The following ADAMTS9 variants were observed in gnomAD, a reference collection of about 807,000 sequenced individuals.
ADAMTS9 encodes ADAM metallopeptidase with thrombospondin type 1 motif 9, also known as A disintegrin and metalloproteinase with thrombospondin motifs 9.
In ADAMTS9, 107 loss-of-function variants were observed where a neutral mutation model predicts 257.1. The ratio of observed to expected loss-of-function variants is 0.42; its 90% CI spans 0.36 to 0.49. ADAMTS9 has a LOEUF of 0.49. Among genes scored for constraint, ADAMTS9 ranks in the 20% least tolerant of loss-of-function variants. The probability of loss-of-function intolerance (pLI) is 0.03; values close to 1 mark genes in which losing one functional copy is unlikely to be tolerated. For synonymous variants in ADAMTS9, 982 were observed against 880.9 expected (o/e 1.11, Z -2.03); for missense variants, 2,353 against 2,469.1 (o/e 0.95, Z 1.00).
At chr3:64,620,995 C>T in intron 19 of ADAMTS9, 119 bp downstream of exon 19, 1 of 1,296,184 alleles carries the variant, frequency 7.7e-7, no homozygotes, top group Non-Finnish European at 1.1e-6. Context: ...GCTTATTTCA[C>T]TGAAACACAA....
intron 32 of ADAMTS9, among the ~76,000 whole-genome samples, chr3:64,543,323 A>C (rs1575998857): frequency 6.6e-6 from 1 of 152,324 alleles, no homozygotes; most frequent in East Asian, 1.9e-4. Context: ...AAAAAAGAGA[A>C]TTTTAGACCA....
At chr3:64,607,964 C>T (rs536092361) in intron 22 of ADAMTS9, among the ~76,000 whole-genome samples, 91 of 151,796 alleles carry the variant, frequency 6.0e-4, no homozygotes, top group African/African-American at 1.9e-3. Flanking sequence ...GGCAAGAAAT[C>T]GGTAATAGAA....
chr3:64,611,750 A>ACT (rs1465260113), intron 22 of ADAMTS9, among the ~76,000 whole-genome samples: 2 of 152,044 alleles, frequency 1.3e-5, no homozygotes, highest in African/African-American at 4.8e-5. Flanking sequence ...CTTATCCACC[A>ACT]CTCAACTGTT....
At chr3:64,635,735 C>T (rs1192101365) in intron 12 of ADAMTS9, among the ~76,000 whole-genome samples, 1 of 152,188 alleles carries the variant, frequency 6.6e-6, no homozygotes, top group Non-Finnish European at 1.5e-5. Flanking sequence ...CTACATTATC[C>T]ATATGCTGTG....
chr3:64,618,964 A>G (rs1168635029), intron 19 of ADAMTS9, among the ~76,000 whole-genome samples: 1 of 152,154 alleles, frequency 6.6e-6, no homozygotes, highest in Non-Finnish European at 1.5e-5. Context: ...CATCATCACA[A>G]ATTAAATAGT....
chr3:64,522,153 T>C lies in ADAMTS9; in HGVS notation c.*5+13A>G, dbSNP rs201681664. The C allele has an allele frequency of 1.9e-6, 3 of 1,608,734 alleles. No homozygotes were observed. Among genetic ancestry groups the C allele is most frequent in the African/African-American group, 1.3e-5 (1 of 74,914 alleles). On this transcript the variant is annotated intron_variant, in intron 39 of 39. Transcript: ENST00000498707. ...AGACAAATACACAGACAGACAGACA[T>C]AGGACTACTTACCTTAGCTATAAAA... is the stretch of plus-strand genomic sequence containing the variant.
Position 64,651,204 on chromosome 3 carries a change from C to A in ADAMTS9, c.1317-41G>T, listed in dbSNP as rs1197729140. On this transcript the variant is annotated intron_variant, in intron 8 of 39. Coordinates refer to ENST00000498707, the MANE Select transcript of ADAMTS9 (RefSeq NM_182920.2). ...CAATGATGAGAATGTCAATAAACAC[C>A]AAGGGATCATGCTGTTCTAATTGCT... 2.0e-6 allele frequency: 3 copies of A among 1,523,902 alleles called. No homozygotes were observed. In the Admixed American group the frequency reaches 7.1e-5, roughly 36 times the overall value. 94.4% of individuals were successfully genotyped at this position (1,523,902 alleles called of 1,614,324 possible).
At chr3:64,531,968 T>C (rs1392508806) in intron 38 of ADAMTS9, among the ~76,000 whole-genome samples, 6 of 152,158 alleles carry the variant, frequency 3.9e-5, no homozygotes, top group Admixed American at 3.9e-4. Flanking sequence ...GGCAGCGGTT[T>C]CTGACCTGGC....
At position 64,615,350 on chromosome 3, in the gene ADAMTS9, G is replaced by A; in HGVS notation, c.3160C>T (p.Pro1054Ser). 14 of 1,613,928 alleles carry A rather than the reference G, an allele frequency of 8.7e-6. No individual in the cohort carries two copies. The highest frequency in any genetic ancestry group is 1.3e-5 in the African/African-American group (1 of 75,006). ...TIQRCSEFPC[P>S]QWKSGDWSEC... is the part of the protein sequence containing the mutation. ...GACCAGTCTCCAGATTTCCACTGTG[G>A]ACAAGGGAACTCACTGCACCTCTGA... The change falls in exon 21 of 40, where the codon CCA (proline) becomes TCA (serine). Residue 1054 changes from proline to serine, a missense_variant. This residue lies in a region of ADAMTS9 where 1,402 missense variants were observed against 1,441.4 expected (regional missense o/e 0.97). Coordinates refer to ENST00000498707, the MANE Select transcript of ADAMTS9 (RefSeq NM_182920.2).
At chr3:64,553,454 G>A (rs2083294602) in intron 30 of ADAMTS9, among the ~76,000 whole-genome samples, 1 of 152,138 alleles carries the variant, frequency 6.6e-6, no homozygotes, top group African/African-American at 2.4e-5. Flanking sequence ...TTCCTCAGTT[G>A]ATGGACATAT....
At chr3:64,561,774 TG>T in intron 29 of ADAMTS9, 23 bp from the exon 30 acceptor site, 1 of 1,195,586 alleles carries the variant, frequency 8.4e-7, no homozygotes, top group Non-Finnish European at 1.1e-6. Flanking sequence ...AGAACGTAAG[TG>T]GGAGCTTCGG....
At chr3:64,573,195 C>T (rs1487466288) in intron 28 of ADAMTS9, among the ~76,000 whole-genome samples, 2 of 152,124 alleles carry the variant, frequency 1.3e-5, no homozygotes, top group Non-Finnish European at 2.9e-5. Context: ...CAGATGCCTG[C>T]TATGCAAGGA....
Position 64,568,393 on chromosome 3 carries a change from T to C in ADAMTS9, c.4499A>G (p.Lys1500Arg), listed in dbSNP as rs1298891228. The change falls in exon 29 of 40, where the codon AAA becomes AGA. Residue 1500 changes from lysine to arginine, a missense_variant. By Grantham distance (26) the Lys-to-Arg change is conservative. Around this residue, in one of 3 missense-constraint regions of ADAMTS9, gnomAD observed 1,402 missense variants for 1,441.4 expected, o/e 0.97. Transcript: ENST00000498707. ...HRKCRGGRCP[K>R]WKAGAWSQCS... is the part of the protein sequence containing the mutation. ...CTGACTCCAAGCGCCAGCTTTCCATTTGGGGCATCTTCCTCCTCGGCACTT... is the reference window on the plus strand; with the variant it reads ...CTGACTCCAAGCGCCAGCTTTCCATCTGGGGCATCTTCCTCCTCGGCACTT... 5.6e-6 allele frequency: 9 copies of C among 1,610,898 alleles called. No individual in the cohort carries two copies. Among genetic ancestry groups the C allele is most frequent in the Non-Finnish European group, 7.6e-6 (9 of 1,179,280 alleles).
At chr3:64,549,054 C>G (rs187324720) in intron 31 of ADAMTS9, among the ~76,000 whole-genome samples, 394 of 152,196 alleles carry the variant, frequency 2.6e-3, no homozygotes, top group Non-Finnish European at 4.5e-3. Flanking sequence ...AATAGAGGTC[C>G]CAGAGAGAAG....
chr3:64,582,153 T>C (rs1394637558), intron 28 of ADAMTS9, among the ~76,000 whole-genome samples: 1 of 152,160 alleles, frequency 6.6e-6, no homozygotes, highest in Non-Finnish European at 1.5e-5. Flanking sequence ...GGGAAATATA[T>C]AGCATTTGCC....
intron 12 of ADAMTS9, among the ~76,000 whole-genome samples, chr3:64,635,743 G>A (rs1700479758): frequency 6.6e-6 from 1 of 152,160 alleles, no homozygotes; most frequent in African/African-American, 2.4e-5. Flanking sequence ...TCCATATGCT[G>A]TGTTTCAGAG....
At chr3:64,646,756 T>G (rs1402366481) in intron 11 of ADAMTS9, among the ~76,000 whole-genome samples, 1 of 152,212 alleles carries the variant, frequency 6.6e-6, no homozygotes, top group Non-Finnish European at 1.5e-5. Flanking sequence ...TCTTCCTCTT[T>G]GACCAGCAGA....
intron 30 of ADAMTS9, among the ~76,000 whole-genome samples, chr3:64,551,366 C>T (rs1412006718): frequency 2.6e-5 from 4 of 152,046 alleles, no homozygotes; most frequent in Non-Finnish European, 4.4e-5. Context: ...CCCGCCACCA[C>T]GCCAGGCTAA....
intron 22 of ADAMTS9, among the ~76,000 whole-genome samples, chr3:64,610,203 G>A (rs1285931943): frequency 2.6e-5 from 4 of 152,112 alleles, no homozygotes; most frequent in Non-Finnish European, 4.4e-5. Context: ...CATTGGATTC[G>A]GCAATGACTT....
Sources: allele counts gnomAD v4.1 joint callset (sites outside exome capture counted in the v4.1 genomes callset), GRCh38; gene constraint gnomAD v4.1.1; regional missense constraint gnomAD v4.1.1; transcripts MANE v1.5; gene names NCBI Gene and HGNC (gene_info 2026-07-23, HGNC 2026-07-21).